The following ANKRD36 variants were observed in gnomAD, a reference collection of about 807,000 sequenced individuals.
The protein encoded by ANKRD36 is ankyrin repeat domain 36.
ANKRD36 carries 179 observed loss-of-function variants against 278.1 expected under a neutral mutation model. The ratio of observed to expected loss-of-function variants is 0.64; its 90% confidence interval spans 0.57 to 0.73. The LOEUF is 0.73. ANKRD36 is among the 30% of genes least tolerant of loss of function. ANKRD36 has a pLI of 0.00. For missense variants in ANKRD36, 1,159 were observed against 1,956.7 expected, an observed-to-expected ratio of 0.59 and a Z score of 7.69; for synonymous variants, 320 against 641.1, an observed-to-expected ratio of 0.50 and a Z score of 7.57.
At chr2:97,190,856 G>A (rs977836292) in intron 34 of ANKRD36, 122 bp from the exon 35 acceptor site, 1 of 1,415,014 alleles carries the variant, frequency 7.1e-7, no homozygotes, top group Non-Finnish European at 9.6e-7. Flanking sequence ...CAAAGTAGAA[G>A]ACATCAGAGC....
chr2:97,206,253 G>C, intron 52 of ANKRD36, 118 bp downstream of exon 52: 1 of 1,183,758 alleles, frequency 8.4e-7, no homozygotes, highest in Non-Finnish European at 1.2e-6. Context: ...GCAGGCCGGA[G>C]ATTCTTCATT....
At chr2:97,183,988 C>T (rs1348952662) in intron 28 of ANKRD36, among the ~76,000 whole-genome samples, 1 of 151,494 alleles carries the variant, frequency 6.6e-6, no homozygotes, top group Non-Finnish European at 1.5e-5. Flanking sequence ...GAAGAAGTAA[C>T]AGAAATTATA....
chr2:97,181,424 CT>C (rs987738997), intron 24 of ANKRD36, among the ~76,000 whole-genome samples, 173 bp from the exon 25 acceptor site: 7 of 150,972 alleles, frequency 4.6e-5, no homozygotes, highest in African/African-American at 1.7e-4. Context: ...GCCTGTATTC[CT>C]TTTTTTTCAG....
At chr2:97,146,049 A>G (rs573580622) in intron 10 of ANKRD36, among the ~76,000 whole-genome samples, 5 of 152,162 alleles carry the variant, frequency 3.3e-5, no homozygotes, top group South Asian at 4.2e-4. Flanking sequence ...GCTCACTTCA[A>G]CTTTAACCTT....
intron 6 of ANKRD36, 70 bp from the exon 7 acceptor site, chr2:97,142,570 A>G: frequency 1.9e-6 from 3 of 1,600,176 alleles, no homozygotes; most frequent in Non-Finnish European, 2.6e-6. Context: ...TGATGGTAAC[A>G]GTGCATGAAT....
chr2:97,147,653 T>G (rs2044623997), intron 11 of ANKRD36, among the ~76,000 whole-genome samples: 1 of 151,884 alleles, frequency 6.6e-6, no homozygotes, highest in Non-Finnish European at 1.5e-5. Flanking sequence ...GATTTTAGTT[T>G]TAGAAAGAGG....
chr2:97,160,106 G>C (rs1053155567), intron 17 of ANKRD36, among the ~76,000 whole-genome samples: 2 of 152,194 alleles, frequency 1.3e-5, no homozygotes, highest in African/African-American at 4.8e-5. Flanking sequence ...TTTATAGGAG[G>C]TTTCTAATTT....
At chr2:97,152,577 G>C in intron 14 of ANKRD36, 43 bp downstream of exon 14, 1 of 1,431,832 alleles carries the variant, frequency 7.0e-7, no homozygotes, top group South Asian at 1.2e-5. Context: ...TTAACTAAGT[G>C]AATAGAGAGA....
At chr2:97,121,788 A>C (rs1374797693) in intron 3 of ANKRD36, among the ~76,000 whole-genome samples, 2 of 152,084 alleles carry the variant, frequency 1.3e-5, no homozygotes, top group Non-Finnish European at 2.9e-5. Flanking sequence ...AAATAAAAAA[A>C]GTAAGAATTA....
chr2:97,261,136 C>CT (rs1342977496), intron 75 of ANKRD36, among the ~76,000 whole-genome samples: 1,161 of 114,698 alleles, frequency 0.01, 21 homozygotes, highest in African/African-American at 0.042. Context: ...CCTTTAAGAA[C>CT]TTTTTTTTTT....
chr2:97,187,507 G>T (rs2057686484), intron 32 of ANKRD36, 106 bp downstream of exon 32: 2 of 1,375,198 alleles, frequency 1.5e-6, no homozygotes, highest in African/African-American at 1.5e-5. Flanking sequence ...CGCCGAAGCT[G>T]CACATTCTGA....
intron 40 of ANKRD36, among the ~76,000 whole-genome samples, chr2:97,195,972 G>C (rs540934297): frequency 6.6e-6 from 1 of 152,100 alleles, no homozygotes; most frequent in African/African-American, 2.4e-5. Context: ...GGCTAAACTA[G>C]TGGATACAAG....
rs2053674200 is a variant in ANKRD36, at chr2:97,174,614, T to C, written c.1634-5124T>C. Among the ~76,000 whole-genome samples the C allele has an allele frequency of 2.6e-5, 4 of 151,820 alleles. No homozygotes were observed. The South Asian group carries it at 8.4e-4, about 32-fold the overall frequency. ...CCTCTTTTCCTAATTGAATACCCTTTATTTCCTTCTCCTGCCTAATTGCCC... is the reference window on the plus strand; with the variant it reads ...CCTCTTTTCCTAATTGAATACCCTTCATTTCCTTCTCCTGCCTAATTGCCC... On this transcript the variant is annotated intron_variant, in intron 22 of 75. Transcript: ENST00000420699.
In ANKRD36 at chr2:97,199,688, A is replaced by G. The variant is rs563910558; in HGVS notation, c.2756-646A>G. 4.7e-4 allele frequency among the ~76,000 whole-genome samples: 72 copies of G among 152,014 alleles called. No individual in the cohort carries two copies. The Middle Eastern group carries it at 0.017, about 36-fold the overall frequency. The stretch of plus-strand genomic sequence containing the variant: ...ATCCTTCGGTGCCAAGAGTGGATGA[A>G]GAAACTTTCGGAAGGGTAAACTAGT... On this transcript the variant is annotated intron_variant, in intron 44 of 75. Coordinates refer to ENST00000420699, the MANE Select transcript of ANKRD36 (RefSeq NM_001354587.1).
intron 65 of ANKRD36, 25 bp downstream of exon 65, chr2:97,219,103 T>G (rs1292004962): frequency 6.5e-7 from 1 of 1,544,936 alleles, no homozygotes; most frequent in African/African-American, 1.4e-5. Context: ...ATTTATATTT[T>G]TAATTATTAA....
intron 3 of ANKRD36, 31 bp from the exon 4 acceptor site, chr2:97,122,856 G>A (rs1462388735): frequency 6.6e-7 from 1 of 1,516,420 alleles, no homozygotes; most frequent in South Asian, 1.2e-5. Context: ...ATGTAATTTT[G>A]TGATTATAAA....
intron 22 of ANKRD36, among the ~76,000 whole-genome samples, chr2:97,168,679 C>T (rs200852155): frequency 0.043 from 3,605 of 84,738 alleles, no homozygotes; most frequent in African/African-American, 0.11. Flanking sequence ...CATTGTTCAA[C>T]TCCCACTTAT....
chr2:97,173,351 T>C (rs976179391), intron 22 of ANKRD36, among the ~76,000 whole-genome samples: 3 of 151,356 alleles, frequency 2.0e-5, no homozygotes, highest in African/African-American at 4.8e-5. Context: ...ACTCATAATA[T>C]GAGGTGAAAG....
chr2:97,189,508 A>G lies in ANKRD36; in HGVS notation c.2245+218A>G, dbSNP rs2058084223. Among the ~76,000 whole-genome samples, 2 of 88,274 alleles carry G rather than the reference A, an allele frequency of 2.3e-5. 1 individual carries two copies. Among genetic ancestry groups the G allele is most frequent in the Non-Finnish European group, 7.9e-5 (2 of 25,212 alleles). 57.9% of individuals were successfully genotyped at this position (88,274 alleles called of 152,430 possible). ...GCAGTAAGATTATACACTTCCCCAC[A>G]TTGAAATTGGGAAGAAGATACATGG... On this transcript the variant is annotated intron_variant, in intron 34 of 75. Transcript: ENST00000420699.
Sources: allele counts gnomAD v4.1 joint callset (sites outside exome capture counted in the v4.1 genomes callset), GRCh38; gene constraint gnomAD v4.1.1; transcripts MANE v1.5; gene names NCBI Gene and HGNC (gene_info 2026-07-23, HGNC 2026-07-21).